POLN: variants seen among roughly 807,000 people sequenced by gnomAD.
POLN encodes the protein DNA polymerase nu.
In POLN, 108 loss-of-function variants were observed where a neutral mutation model predicts 113.5. That is an observed-to-expected ratio of 0.95 (90% CI 0.81 to 1.12). The LOEUF (loss-of-function observed/expected upper bound fraction) is 1.12. Among genes scored for constraint, POLN ranks in the 50% most tolerant of loss-of-function variants. The probability of loss-of-function intolerance (pLI) is 0.00; values close to 1 mark genes in which losing one functional copy is unlikely to be tolerated. For synonymous variants in POLN, 386 were observed against 391.5 expected (o/e 0.99, Z 0.17); for missense variants, 1,097 against 1,077.1 (o/e 1.02, Z -0.26).
intron 19 of POLN, among the ~76,000 whole-genome samples, chr4:2,107,015 G>C (rs1731081747): frequency 6.6e-6 from 1 of 152,038 alleles, no homozygotes; most frequent in South Asian, 2.1e-4. Context: ...TAAAATTGAA[G>C]TTTCCAACCT....
chr4:2,098,815 G>C (rs567423013), intron 19 of POLN, among the ~76,000 whole-genome samples: 4 of 152,340 alleles, frequency 2.6e-5, no homozygotes, highest in African/African-American at 9.6e-5. Context: ...AGAAATGGCT[G>C]ATTCCAGGAC....
At position 2,093,604 on chromosome 4, in the gene POLN, G is replaced by A. The variant is rs575217980; in HGVS notation, c.2065+2247C>T. ...AGCAAATGTTATGTTTGCAACACAA[G>A]ATGCAGCAGGATGCAAGGCAACAAA... is the stretch of plus-strand genomic sequence containing the variant. On this transcript the variant is annotated intron_variant, in intron 20 of 25. Transcript: ENST00000511885. The surrounding 1 kb of genome is among the most constrained non-coding windows in gnomAD (Gnocchi z 4.1). Among the ~76,000 whole-genome samples, 1 of 152,298 alleles carries A rather than the reference G, an allele frequency of 6.6e-6. No homozygotes were observed. Among genetic ancestry groups the A allele is most frequent in the East Asian group, 1.9e-4 (1 of 5,178 alleles).
intron 5 of POLN, among the ~76,000 whole-genome samples, chr4:2,203,268 T>A (rs1211901097): frequency 1.3e-5 from 2 of 151,996 alleles, no homozygotes; most frequent in South Asian, 2.1e-4. Flanking sequence ...AAAAATGAAA[T>A]CAAGATGGAA....
At chr4:2,240,883 G>C (rs745582854) in intron 2 of POLN, 11 of 1,609,174 alleles carry the variant, frequency 6.8e-6, no homozygotes, top group South Asian at 2.2e-5. Flanking sequence ...TCTCCATTAA[G>C]ATTATCAGCT....
rs1038171727 is a variant in POLN, at chr4:2,144,593, C to A, written c.1731+12195G>T. On this transcript the variant is annotated intron_variant, in intron 16 of 25. Transcript: ENST00000511885. ...AATTAATATTTAAATAATATATACA[C>A]TACTGGAGGAAATTCCGTTACCTAG... Among the ~76,000 whole-genome samples the A allele has an allele frequency of 2.0e-5, 3 of 152,148 alleles. No homozygotes were observed. The South Asian group carries it at 6.2e-4, about 32-fold the overall frequency.
chr4:2,241,179 C>G, intron 2 of POLN: 1 of 427,776 alleles, frequency 2.3e-6, no homozygotes, highest in Non-Finnish European at 4.1e-6. Context: ...CACATGATAT[C>G]CGAGAGCGGG....
chr4:2,080,896 G>A (rs1317733461), intron 23 of POLN, 62 bp downstream of exon 23: 2 of 1,611,344 alleles, frequency 1.2e-6, no homozygotes, highest in East Asian at 2.2e-5. Context: ...GAGCCCCGAG[G>A]GGGTCTTCCC....
At chr4:2,074,407 T>C (rs1448924261) in intron 24 of POLN, among the ~76,000 whole-genome samples, 4 of 152,196 alleles carry the variant, frequency 2.6e-5, no homozygotes, top group Non-Finnish European at 4.4e-5. Context: ...CCTCAGGAGC[T>C]GCCAGGCCAG....
chr4:2,139,858 C>T (rs1577717596), intron 16 of POLN: 1 of 142,506 alleles, frequency 7.0e-6, no homozygotes, highest in Middle Eastern at 3.6e-3. Flanking sequence ...CTAATGAAAA[C>T]AGAGCCTAAA....
intron 9 of POLN, among the ~76,000 whole-genome samples, chr4:2,175,703 C>A (rs771384963): frequency 1.2e-4 from 19 of 152,372 alleles, no homozygotes; most frequent in Non-Finnish European, 2.4e-4. Context: ...CCATTCTCTG[C>A]CCTGCCCTTG....
intron 14 of POLN, 132 bp downstream of exon 14, chr4:2,159,023 T>C (rs1263362996): frequency 2.7e-6 from 2 of 741,988 alleles, no homozygotes; most frequent in South Asian, 1.6e-5. Flanking sequence ...AAGGTTAACC[T>C]GACAAAACTC....
rs1234717311 is a variant in POLN at position 2,173,858 on chromosome 4, G to C, written c.1374+97C>G. The C allele has an allele frequency of 2.6e-6, 3 of 1,165,722 alleles. No individual in the cohort carries two copies. In the African/African-American group the frequency reaches 4.6e-5, roughly 18 times the overall value. 72.2% of individuals were successfully genotyped at this position (1,165,722 alleles called of 1,614,324 possible). On this transcript the variant is annotated intron_variant, in intron 11 of 25. Transcript: ENST00000511885. ...CACTGTCAACACCAAACAAGGAAGA[G>C]AAGAAAAGGAGAATCTACTCTAGAC... is the stretch of plus-strand genomic sequence containing the variant.
At chr4:2,175,702 G>T (rs749639230) in intron 9 of POLN, among the ~76,000 whole-genome samples, 1 of 152,112 alleles carries the variant, frequency 6.6e-6, no homozygotes, top group Non-Finnish European at 1.5e-5. Flanking sequence ...CCCATTCTCT[G>T]CCCTGCCCTT....
chr4:2,104,587 G>A (rs1012450898), intron 19 of POLN, among the ~76,000 whole-genome samples: 4 of 152,190 alleles, frequency 2.6e-5, no homozygotes, highest in Non-Finnish European at 4.4e-5. Flanking sequence ...ACCTCCCCCA[G>A]TAAACACAAC....
In POLN at chr4:2,233,282, T is replaced by C. The variant is rs182272280; in HGVS notation, c.-12-4039A>G. Among the ~76,000 whole-genome samples, 4 of 152,322 alleles carry C rather than the reference T, an allele frequency of 2.6e-5. No homozygotes were observed. In the East Asian group the frequency reaches 5.8e-4, roughly 22 times the overall value. On this transcript the variant is annotated intron_variant, in intron 2 of 25. Coordinates refer to ENST00000511885, the MANE Select transcript of POLN (RefSeq NM_181808.4). ...AGATCATACAGTTGCTAAAACAACA[T>C]TGCTACAGATACTGAAGTTCAGCTT...
In POLN at chr4:2,174,730, A is replaced by G; in HGVS notation, c.1270T>C (p.Phe424Leu). The G allele has an allele frequency of 6.2e-7, 1 of 1,607,870 alleles. No individual in the cohort carries two copies. Among genetic ancestry groups the G allele is most frequent in the Non-Finnish European group, 8.5e-7 (1 of 1,174,684 alleles). Reference sequence around the variant, plus strand: ...ATCAGAGGAAGCTCCAAAGTACGAAATAGTTGCCATAAACCATAATCCTGT... The same window carrying G: ...ATCAGAGGAAGCTCCAAAGTACGAAGTAGTTGCCATAAACCATAATCCTGT... ...KLKDYGLWQL[F>L]RTLELPLIPI... The change falls in exon 10 of 26, where the codon TTT becomes CTT. Residue 424 changes from phenylalanine to leucine, a missense_variant. Phe to Leu is a conservative substitution (Grantham distance 22). Coordinates refer to ENST00000511885, the MANE Select transcript of POLN (RefSeq NM_181808.4).
chr4:2,208,274 T>G lies in POLN; in HGVS notation c.427A>C (p.Asn143His). The change falls in exon 5 of 26, where the codon AAT becomes CAT. Residue 143 changes from asparagine (N) to histidine (H), a missense_variant. Coordinates refer to ENST00000511885, the MANE Select transcript of POLN (RefSeq NM_181808.4). ...CTTCCTTTATTTTCATTATTTATAT[T>G]CTCCATTAGGAAATGCTTTCTTTTA... ...GHKRKHFLME[N>H]INNENKGSIN... 6.3e-7 allele frequency: 1 copy of G among 1,589,614 alleles called. No homozygotes were observed. Among genetic ancestry groups the G allele is most frequent in the Non-Finnish European group, 8.6e-7 (1 of 1,162,620 alleles).
chr4:2,158,955 G>A (rs1216852208), intron 14 of POLN, among the ~76,000 whole-genome samples, 200 bp downstream of exon 14: 27 of 152,132 alleles, frequency 1.8e-4, no homozygotes, highest in Non-Finnish European at 2.9e-5. Flanking sequence ...GTTCACGAGT[G>A]GGGCTGATTG....
intron 13 of POLN, among the ~76,000 whole-genome samples, chr4:2,169,588 C>A (rs1732810946): frequency 6.6e-6 from 1 of 152,178 alleles, no homozygotes; most frequent in Non-Finnish European, 1.5e-5. Context: ...CACACGCACA[C>A]ACACTGAAGC....
Sources: allele counts gnomAD v4.1 joint callset (sites outside exome capture counted in the v4.1 genomes callset), GRCh38; gene constraint gnomAD v4.1.1; non-coding constraint Gnocchi (gnomAD v3.1); transcripts MANE v1.5; gene names NCBI Gene and HGNC (gene_info 2026-07-23, HGNC 2026-07-21).